Variants in ERCC4 observed in about 807,000 individuals in gnomAD.
ERCC4 encodes ERCC excision repair 4, endonuclease catalytic subunit, also known as DNA repair endonuclease XPF.
In ERCC4, 65 loss-of-function variants were observed where a neutral mutation model predicts 76.9. The ratio of observed to expected loss-of-function variants is 0.84; its 90% CI spans 0.69 to 1.04. The LOEUF (loss-of-function observed/expected upper bound fraction) is 1.04, where lower values mean the gene tolerates loss of function less well. Ranked by LOEUF, ERCC4 falls within the 50% of genes least tolerant of loss-of-function variation. The pLI is 0.00. For missense variants in ERCC4, 1,214 were observed against 1,128.2 expected (o/e 1.08, Z -1.09); for synonymous variants, 463 against 410.1 (o/e 1.13, Z -1.56).
At chr16:13,929,169 A>C (rs766521294) in intron 4 of ERCC4, among the ~76,000 whole-genome samples, 6 of 152,194 alleles carry the variant, frequency 3.9e-5, no homozygotes, top group Non-Finnish European at 8.8e-5. Context: ...CATGTTTCAC[A>C]CTGAATTTCT....
intron 2 of ERCC4, among the ~76,000 whole-genome samples, chr16:13,924,597 G>A (rs1279771640): frequency 1.3e-5 from 2 of 152,148 alleles, no homozygotes. Flanking sequence ...CTGCTTCTGG[G>A]TTTGAGTTAT....
intron 9 of ERCC4, among the ~76,000 whole-genome samples, chr16:13,942,404 A>G (rs1235463884): frequency 1.3e-5 from 2 of 152,234 alleles, no homozygotes; most frequent in African/African-American, 2.4e-5. Context: ...AATGGAAACA[A>G]TTGTGGAATT....
rs552142099 is a variant in ERCC4, at chr16:13,920,310, C to T, written c.145C>T (p.Leu49Phe). ...CGCGGACCGGCTCCTCTACCACTTT[C>T]TCCAGCTGCACTGCCACCCAGCCTG... ...LGADRLLYHFLQLHCHPACLV... is the reference protein window; with the variant it reads ...LGADRLLYHFFQLHCHPACLV... Residue 49 changes from leucine to phenylalanine, a missense_variant, in exon 1 of 11, where the codon CTC becomes TTC. Physicochemically the swap from Leu to Phe is conservative, Grantham distance 22. Coordinates refer to ENST00000311895, the MANE Select transcript of ERCC4 (RefSeq NM_005236.3). 174 of 1,602,644 alleles carry T rather than the reference C, an allele frequency of 1.1e-4. No individual in the cohort carries two copies. The highest frequency in any genetic ancestry group is 1.4e-4 in the Non-Finnish European group (165 of 1,179,580).
At chr16:13,936,315 A>T (rs1450465707) in intron 8 of ERCC4, among the ~76,000 whole-genome samples, 1 of 152,242 alleles carries the variant, frequency 6.6e-6, no homozygotes, top group Admixed American at 6.5e-5. Flanking sequence ...GGGGAAATAA[A>T]CAGCAAAATT....
chr16:13,938,381 T>G lies in ERCC4; in HGVS notation c.1904+523T>G, dbSNP rs543444687. On this transcript the variant is annotated intron_variant, in intron 9 of 10. Coordinates refer to ENST00000311895, the MANE Select transcript of ERCC4 (RefSeq NM_005236.3). ...ACATACACGTGTATGTTTTTAAGAA[T>G]GAGTATCTGGTACTATTCCAAATCC... 2.8e-4 allele frequency among the ~76,000 whole-genome samples: 42 copies of G among 152,290 alleles called. No homozygotes were observed. The East Asian group carries it at 6.4e-3, about 23-fold the overall frequency.
At position 13,949,423 on chromosome 16, in the gene ERCC4, G is replaced by T; in HGVS notation, c.*1076G>T. Reference sequence around the variant, plus strand: ...TCTCTATTACAAAAAGAAAAGAAAAGAAATACAACCTAAGCTCACCTGCCT... The same window carrying T: ...TCTCTATTACAAAAAGAAAAGAAAATAAATACAACCTAAGCTCACCTGCCT... On this transcript the variant is annotated 3_prime_UTR_variant, in exon 11 of 11. Coordinates refer to ENST00000311895, the MANE Select transcript of ERCC4 (RefSeq NM_005236.3). 1 of 233,068 alleles carries T rather than the reference G, an allele frequency of 4.3e-6. No homozygotes were observed. Among genetic ancestry groups the T allele is most frequent in the African/African-American group, 2.2e-5 (1 of 45,430 alleles). 14.4% of individuals were successfully genotyped at this position (233,068 alleles called of 1,614,324 possible).
Position 13,950,653 on chromosome 16 carries a change from A to G in ERCC4, c.*2306A>G. On this transcript the variant is annotated 3_prime_UTR_variant, in exon 11 of 11. Transcript: ENST00000311895. ...AGACCTACCACTTCAAATGATAATG[A>G]TTATTATAATGTCTCTTCACCCTAT... 2 of 192,862 alleles carry G rather than the reference A, an allele frequency of 1.0e-5. No individual in the cohort carries two copies. Among genetic ancestry groups the G allele is most frequent in the Non-Finnish European group, 2.2e-5 (2 of 92,444 alleles). The allele number at this position is 192,862 out of a possible 1,614,324, so 11.9% of individuals were successfully genotyped here.
At chr16:13,944,187 C>G (rs997390372) in intron 9 of ERCC4, 2 of 157,192 alleles carry the variant, frequency 1.3e-5, no homozygotes, top group Non-Finnish European at 2.8e-5. Flanking sequence ...ATATCTATTT[C>G]AAAATCTTGA....
chr16:13,936,887 G>GTTT (rs1041994372), intron 8 of ERCC4, among the ~76,000 whole-genome samples: 1 of 150,862 alleles, frequency 6.6e-6, no homozygotes, highest in Non-Finnish European at 1.5e-5. Flanking sequence ...AAACAAGATG[G>GTTT]AAAAGCAGGC....
chr16:13,929,837 G>A (rs1379925956), intron 4 of ERCC4, among the ~76,000 whole-genome samples: 2 of 152,124 alleles, frequency 1.3e-5, no homozygotes, highest in African/African-American at 4.8e-5. Context: ...TGGTGGCAAC[G>A]CCTGTAGTCC....
In ERCC4 at chr16:13,951,574, A is replaced by C. The variant is rs1161844964; in HGVS notation, c.*3227A>C. The C allele has an allele frequency of 4.7e-6, 1 of 213,110 alleles. No individual in the cohort carries two copies. The highest frequency in any genetic ancestry group is 5.8e-5 in the Admixed American group (1 of 17,096). The allele number at this position is 213,110 out of a possible 1,614,324, so 13.2% of individuals were successfully genotyped here. A position where few individuals can be genotyped will look rare whatever the true frequency, so the allele number is the denominator to read the frequency against. ...AATATGTCTACATGTGTTTGAGTAC[A>C]TCCTGGATACAGTTTCCCAGCTCAT... is the stretch of plus-strand genomic sequence containing the variant. On this transcript the variant is annotated 3_prime_UTR_variant, in exon 11 of 11. Coordinates refer to ENST00000311895, the MANE Select transcript of ERCC4 (RefSeq NM_005236.3).
chr16:13,920,237 G>A lies in ERCC4; in HGVS notation c.72G>A (p.Leu24=). Reference sequence around the variant, plus strand: ...TGGAGTACGAGCGACAGCTGGTGCTGGAACTGCTCGACACTGACGGGCTAG... The same window carrying A: ...TGGAGTACGAGCGACAGCTGGTGCTAGAACTGCTCGACACTGACGGGCTAG... ...PLLEYERQLV[L]ELLDTDGLVV... The change falls in exon 1 of 11, where the codon CTG becomes CTA. Residue 24 remains leucine, a synonymous_variant. Transcript: ENST00000311895. The A allele has an allele frequency of 1.2e-6, 2 of 1,607,898 alleles. No homozygotes were observed. Among genetic ancestry groups the A allele is most frequent in the East Asian group, 2.2e-5 (1 of 44,882 alleles).
chr16:13,948,894 C>G lies in ERCC4; in HGVS notation c.*547C>G, dbSNP rs974174743. 8.6e-6 allele frequency: 2 copies of G among 232,336 alleles called. No individual in the cohort carries two copies. The highest frequency in any genetic ancestry group is 4.4e-5 in the African/African-American group (2 of 45,264). The allele number at this position is 232,336 out of a possible 1,614,324, so 14.4% of individuals were successfully genotyped here. A position where few individuals can be genotyped will look rare whatever the true frequency, so the allele number is the denominator to read the frequency against. The stretch of plus-strand genomic sequence containing the variant: ...TTTGTGTAGGAAATCATGTTCTGAC[C>G]CTTTGTCTACAAAGGAGCCTTCTGG... On this transcript the variant is annotated 3_prime_UTR_variant, in exon 11 of 11. Transcript: ENST00000311895.
Position 13,950,486 on chromosome 16 carries a change from A to C in ERCC4, c.*2139A>C, listed in dbSNP as rs140019040. ...AAAATTAGTTTAAGATGGAATAAAG[A>C]TTTGGGCTGCTAATTTTTTCCCAGG... On this transcript the variant is annotated 3_prime_UTR_variant, in exon 11 of 11. Transcript: ENST00000311895. 2.2e-3 allele frequency: 423 copies of C among 192,786 alleles called. 1 individual carries two copies. Among genetic ancestry groups the C allele is most frequent in the African/African-American group, 9.4e-3 (405 of 43,268 alleles). 11.9% of individuals were successfully genotyped at this position (192,786 alleles called of 1,614,324 possible).
rs2031947887 is a variant in ERCC4 at position 13,920,390 on chromosome 16, C to G, written c.207+18C>G. 2 of 1,548,852 alleles carry G rather than the reference C, an allele frequency of 1.3e-6. No homozygotes were observed. The highest frequency in any genetic ancestry group is 2.7e-5 in the African/African-American group (2 of 73,570). ...CCGAGGAGGTGCGGCCGCGCTGGCG[C>G]GGGAGTGAGGGGACTCCGAGAGTGT... On this transcript the variant is annotated intron_variant, in intron 1 of 10. Coordinates refer to ENST00000311895, the MANE Select transcript of ERCC4 (RefSeq NM_005236.3).
chr16:13,922,401 C>T, intron 2 of ERCC4, 190 bp downstream of exon 2: 2 of 760,602 alleles, frequency 2.6e-6, no homozygotes, highest in South Asian at 1.4e-5. Context: ...GTGTTCGGTC[C>T]TTGCAGGCTT....
chr16:13,928,321 G>T (rs1306195755), intron 4 of ERCC4, 86 bp downstream of exon 4: 1 of 954,014 alleles, frequency 1.0e-6, no homozygotes, highest in Non-Finnish European at 1.6e-6. Flanking sequence ...GTTGTTAATA[G>T]GAATTTGCTG....
chr16:13,932,507 G>A, intron 6 of ERCC4: 1 of 592,310 alleles, frequency 1.7e-6, no homozygotes, highest in Non-Finnish European at 3.0e-6. Flanking sequence ...AAGTCTTGCA[G>A]TCTATTGCCC....
chr16:13,948,216 G>A lies in ERCC4; in HGVS notation c.2620G>A (p.Ala874Thr), dbSNP rs2032561804. Residue 874 changes from alanine (A) to threonine (T), a missense_variant, in exon 11 of 11, where the codon GCA becomes ACA. By Grantham distance (58) the Ala-to-Thr change is moderately conservative (BLOSUM62 0). Transcript: ENST00000311895. ...CTTGATGCACCACGTTAAGAACATC[G>A]CAGAATTAGCAGCCCTGTCACAAGA... is the stretch of plus-strand genomic sequence containing the variant. ...RSLMHHVKNI[A>T]ELAALSQDEL... 6 of 1,614,026 alleles carry A rather than the reference G, an allele frequency of 3.7e-6. No homozygotes were observed. Among genetic ancestry groups the A allele is most frequent in the South Asian group, 2.2e-5 (2 of 91,094 alleles).
Sources: allele counts gnomAD v4.1 joint callset (sites outside exome capture counted in the v4.1 genomes callset), GRCh38; gene constraint gnomAD v4.1.1; transcripts MANE v1.5; gene names NCBI Gene and HGNC (gene_info 2026-07-23, HGNC 2026-07-21).